The following PSMF1 variants were observed in gnomAD, a reference collection of about 807,000 sequenced individuals.
The protein encoded by PSMF1 is proteasome inhibitor subunit 1.
In PSMF1, 30 loss-of-function variants were observed where a neutral mutation model predicts 29.3. That is an observed-to-expected ratio of 1.02 (90% CI 0.77 to 1.39). The LOEUF (loss-of-function observed/expected upper bound fraction) is 1.39. Among genes scored for constraint, PSMF1 ranks in the 40% most tolerant of loss-of-function variants. The pLI is 0.00. For missense variants in PSMF1, 344 were observed against 357.5 expected (o/e 0.96, Z 0.31); for synonymous variants, 134 against 139.7 (o/e 0.96, Z 0.29).
chr20:1,144,473 A>G (rs892427760), intron 4 of PSMF1, among the ~76,000 whole-genome samples: 2 of 152,238 alleles, frequency 1.3e-5, no homozygotes, highest in Non-Finnish European at 2.9e-5. Context: ...AAACCTGTAC[A>G]CAGATGTTCA....
At chr20:1,120,137 C>T (rs1393735098) in intron 1 of PSMF1, among the ~76,000 whole-genome samples, 1 of 151,886 alleles carries the variant, frequency 6.6e-6, no homozygotes, top group Non-Finnish European at 1.5e-5. Flanking sequence ...GACCACCATA[C>T]CCCTCTCACA....
rs764306410 is a variant in PSMF1 at position 1,170,984 on chromosome 20, T to C, written c.*5904T>C. On this transcript the variant is annotated 3_prime_UTR_variant, in exon 7 of 7. Coordinates refer to ENST00000335877, the MANE Select transcript of PSMF1 (RefSeq NM_006814.5). The stretch of plus-strand genomic sequence containing the variant: ...ACCCCCTGGGGTGGCAGAACCGTGA[T>C]TGGAACCCAGGTCAGTGCTCTTTTC... Among the ~76,000 whole-genome samples the C allele has an allele frequency of 1.3e-5, 2 of 152,098 alleles. No individual in the cohort carries two copies. The highest frequency in any genetic ancestry group is 2.9e-5 in the Non-Finnish European group (2 of 68,002).
At chr20:1,127,595 A>G (rs1436336478) in intron 3 of PSMF1, 87 bp downstream of exon 3, 1 of 1,113,998 alleles carries the variant, frequency 9.0e-7, no homozygotes, top group Non-Finnish European at 1.4e-6. Flanking sequence ...TGTCCAGAAA[A>G]TTAAGGAAGG....
rs1416540458 is a variant in PSMF1 at position 1,171,423 on chromosome 20, A to G, written c.*6343A>G. On this transcript the variant is annotated 3_prime_UTR_variant, in exon 7 of 7. Transcript: ENST00000335877. ...CTGCTCACCTCGGCCTTCTGAGTTT[A>G]GTAGGATGGCAGCTAGTCTTCCCTA... 1.3e-5 allele frequency among the ~76,000 whole-genome samples: 2 copies of G among 152,126 alleles called. No homozygotes were observed. The highest frequency in any genetic ancestry group is 2.9e-5 in the Non-Finnish European group (2 of 68,028).
chr20:1,116,215 T>C (rs1300016893), upstream of PSMF1, among the ~76,000 whole-genome samples: 1 of 152,156 alleles, frequency 6.6e-6, no homozygotes, highest in African/African-American at 2.4e-5. Context: ...GGAATGAATC[T>C]GTAGAAATTT....
intron 4 of PSMF1, among the ~76,000 whole-genome samples, chr20:1,159,432 G>A (rs527915993): frequency 6.6e-6 from 1 of 152,272 alleles, no homozygotes; most frequent in South Asian, 2.1e-4. Flanking sequence ...AAAGTGCTGC[G>A]ATTACAGGCA....
Position 1,165,467 on chromosome 20 carries a change from G to A in PSMF1, c.*387G>A. 9.6e-7 allele frequency: 1 copy of A among 1,037,398 alleles called. No homozygotes were observed. The highest frequency in any genetic ancestry group is 1.2e-6 in the Non-Finnish European group (1 of 863,218). 64.3% of individuals were successfully genotyped at this position (1,037,398 alleles called of 1,614,324 possible). A position where few individuals can be genotyped will look rare whatever the true frequency, so the allele number is the denominator to read the frequency against. ...AACCAAATGTCAATACAGAATTCAT[G>A]TTGCCGGTTTCCCACTTTTCTTTTT... On this transcript the variant is annotated 3_prime_UTR_variant, in exon 7 of 7. Transcript: ENST00000335877.
chr20:1,151,318 T>TAAGTA lies in PSMF1; in HGVS notation c.552-11810_552-11806dup, dbSNP rs571284534. Among the ~76,000 whole-genome samples the TAAGTA allele has an allele frequency of 5.3e-5, 8 of 152,372 alleles. No individual in the cohort carries two copies. The South Asian group carries it at 1.7e-3, about 32-fold the overall frequency. On this transcript the variant is annotated intron_variant, in intron 4 of 6. Coordinates refer to ENST00000335877, the MANE Select transcript of PSMF1 (RefSeq NM_006814.5). The stretch of plus-strand genomic sequence containing the variant: ...TAAGGAAGCTGAAGTTCATGTACAG[T>TAAGTA]AAGTAACTTCACAACAGTAAGAAGC...
chr20:1,160,608 G>A (rs185258241), intron 4 of PSMF1: 16 of 499,994 alleles, frequency 3.2e-5, no homozygotes, highest in African/African-American at 1.4e-4. Flanking sequence ...CACCATACTC[G>A]TCATTGACAA....
rs1406063027 is a variant in PSMF1, at chr20:1,164,417, C to T, written c.705C>T (p.Gly235=). The change falls in exon 6 of 7, where the codon GGC becomes GGT. Residue 235 remains glycine (G), a synonymous_variant. Transcript: ENST00000335877. This position sits in a 1 kb window ranked among gnomAD's most constrained non-coding sequence, Gnocchi z 4.1. ...GCCTCCCGAACCGACTTCCTCCAGGCGCTGTGCCCCCAGGAGCTCGCTTTG... is the reference window on the plus strand; with the variant it reads ...GCCTCCCGAACCGACTTCCTCCAGGTGCTGTGCCCCCAGGAGCTCGCTTTG... The part of the protein sequence containing the change: ...SSGLPNRLPP[G]AVPPGARFDP... The T allele has an allele frequency of 6.8e-6, 11 of 1,614,018 alleles. No homozygotes were observed. The highest frequency in any genetic ancestry group is 2.2e-5 in the East Asian group (1 of 44,890).
intron 4 of PSMF1, among the ~76,000 whole-genome samples, chr20:1,155,222 T>G (rs1431162480): frequency 6.6e-6 from 1 of 152,184 alleles, no homozygotes; most frequent in African/African-American, 2.4e-5. Flanking sequence ...GGCCTGCACT[T>G]CTGGCTAAAG....
chr20:1,117,139 G>A (rs910136683), upstream of PSMF1, among the ~76,000 whole-genome samples: 1 of 152,102 alleles, frequency 6.6e-6, no homozygotes, highest in Admixed American at 6.5e-5. Flanking sequence ...TGAGAGAAGA[G>A]GGGGAGCCAA....
intron 1 of PSMF1, among the ~76,000 whole-genome samples, chr20:1,120,370 G>A (rs1350810934): frequency 1.3e-5 from 2 of 152,178 alleles, no homozygotes; most frequent in African/African-American, 4.8e-5. Flanking sequence ...CCTGGAAGCA[G>A]GAATCATTTC....
In PSMF1 at chr20:1,165,920, G is replaced by T; in HGVS notation, c.*840G>T. On this transcript the variant is annotated 3_prime_UTR_variant, in exon 7 of 7. Transcript: ENST00000335877. ...TAAGCAAGTTCCTTCTCCTCTTAGG[G>T]CCTTGTGCCAAGCCTATGAAATTGG... is the stretch of plus-strand genomic sequence containing the variant. The T allele has an allele frequency of 7.6e-7, 1 of 1,321,822 alleles. No homozygotes were observed. 81.9% of individuals were successfully genotyped at this position (1,321,822 alleles called of 1,614,324 possible). A position where few individuals can be genotyped will look rare whatever the true frequency, so the allele number is the denominator to read the frequency against.
chr20:1,127,359 T>C (rs751324699), intron 2 of PSMF1, 67 bp from the exon 3 acceptor site: 1 of 1,199,728 alleles, frequency 8.3e-7, no homozygotes, highest in South Asian at 1.2e-5. Flanking sequence ...TTTGTTACTC[T>C]CCCTTCACCC....
intron 3 of PSMF1, 40 bp downstream of exon 3, chr20:1,127,548 GA>G: frequency 6.8e-7 from 1 of 1,480,262 alleles, no homozygotes; most frequent in Non-Finnish European, 9.4e-7. Flanking sequence ...AAAAAGAAGA[GA>G]GAACTAATGG....
Position 1,166,390 on chromosome 20 carries a change from T to C in PSMF1, c.*1310T>C. On this transcript the variant is annotated 3_prime_UTR_variant, in exon 7 of 7. Transcript: ENST00000335877. ...TCCTTTCATTTCTCAGCTCCCTGGA[T>C]TCCTTCCCCTAAATTAGGACCTATT... 1.0e-6 allele frequency: 1 copy of C among 983,160 alleles called. No individual in the cohort carries two copies. Among genetic ancestry groups the C allele is most frequent in the South Asian group, 1.4e-5 (1 of 72,242 alleles). 60.9% of individuals were successfully genotyped at this position (983,160 alleles called of 1,614,324 possible). A position where few individuals can be genotyped will look rare whatever the true frequency, so the allele number is the denominator to read the frequency against.
At chr20:1,157,790 A>G (rs2086613692) in intron 4 of PSMF1, among the ~76,000 whole-genome samples, 3 of 151,880 alleles carry the variant, frequency 2.0e-5, no homozygotes, top group Admixed American at 2.0e-4. Flanking sequence ...GTGACCCAAA[A>G]AGGGTCACTT....
chr20:1,163,876 AAG>A lies in PSMF1; in HGVS notation c.606-438_606-437del, dbSNP rs967006196. On this transcript the variant is annotated intron_variant, in intron 5 of 6. Coordinates refer to ENST00000335877, the MANE Select transcript of PSMF1 (RefSeq NM_006814.5). This position sits in a 1 kb window ranked among gnomAD's most constrained non-coding sequence, Gnocchi z 6.1. ...AAATTGCCCTGAGGCCCTTAAGGGA[AAG>A]AGAAAAAAAACCAACATCACGAATT... Among the ~76,000 whole-genome samples the A allele has an allele frequency of 2.6e-5, 4 of 152,322 alleles. No individual in the cohort carries two copies. The highest frequency in any genetic ancestry group is 6.5e-5 in the Admixed American group (1 of 15,300).
Sources: allele counts gnomAD v4.1 joint callset (sites outside exome capture counted in the v4.1 genomes callset), GRCh38; gene constraint gnomAD v4.1.1; non-coding constraint Gnocchi (gnomAD v3.1); transcripts MANE v1.5; gene names NCBI Gene and HGNC (gene_info 2026-07-23, HGNC 2026-07-21).